The following AGBL4 variants were observed in gnomAD, a reference collection of about 807,000 sequenced individuals.
AGBL4 encodes the protein AGBL carboxypeptidase 4, also known as cytosolic carboxypeptidase 6.
In AGBL4, 58 loss-of-function variants were observed where a neutral mutation model predicts 66.4. The observed-to-expected ratio is 0.87, with a 90% CI of 0.71 to 1.09. The LOEUF is 1.09. Among genes scored for constraint, AGBL4 ranks in the 50% least tolerant of loss-of-function variants. The pLI is 0.00. For missense variants in AGBL4, 579 were observed against 631.0 expected, an observed-to-expected ratio of 0.92 and a Z score of 0.88; for synonymous variants, 234 against 222.9, an observed-to-expected ratio of 1.05 and a Z score of -0.44.
intron 2 of AGBL4, chr1:49,846,133 G>A: frequency 6.8e-7 from 1 of 1,477,896 alleles, no homozygotes. Context: ...AACACCAGAG[G>A]ATTCATACCA....
At chr1:50,015,622 T>C (rs932113046) in intron 1 of AGBL4, among the ~76,000 whole-genome samples, 2 of 152,050 alleles carry the variant, frequency 1.3e-5, no homozygotes, top group African/African-American at 4.8e-5. Flanking sequence ...TTCTACAGTA[T>C]TGCAGCCTGA....
chr1:49,518,572 CT>C (rs1463420617), intron 3 of AGBL4, among the ~76,000 whole-genome samples: 4 of 151,990 alleles, frequency 2.6e-5, no homozygotes, highest in Admixed American at 6.6e-5. Flanking sequence ...TGCTGTGTGA[CT>C]TTTGACAAGT....
intron 2 of AGBL4, among the ~76,000 whole-genome samples, chr1:49,751,693 G>A (rs993681665): frequency 6.6e-6 from 1 of 152,168 alleles, no homozygotes; most frequent in South Asian, 2.1e-4. Context: ...GAATTCGGCT[G>A]TGAATCCGTC....
intron 5 of AGBL4, among the ~76,000 whole-genome samples, chr1:48,880,371 G>A (rs902291166): frequency 6.6e-6 from 1 of 152,112 alleles, no homozygotes; most frequent in African/African-American, 2.4e-5. Flanking sequence ...ATTAATTGAT[G>A]GTCATTTGGG....
intron 4 of AGBL4, among the ~76,000 whole-genome samples, chr1:49,157,245 C>T (rs544697103): frequency 6.2e-4 from 94 of 151,820 alleles, no homozygotes; most frequent in African/African-American, 2.1e-3. Context: ...GTCCCCCACC[C>T]CCCAGAAGGC....
At chr1:48,535,878 C>T (rs1265503352) in intron 12 of AGBL4, among the ~76,000 whole-genome samples, 2 of 152,014 alleles carry the variant, frequency 1.3e-5, no homozygotes, top group Non-Finnish European at 2.9e-5. Flanking sequence ...TTGGGGGCTT[C>T]TTCAGTTCTA....
chr1:49,732,244 AG>A (rs1269836897), intron 2 of AGBL4, among the ~76,000 whole-genome samples: 5 of 152,192 alleles, frequency 3.3e-5, no homozygotes, highest in African/African-American at 4.8e-5. Context: ...GAGAGACCCA[AG>A]TTATTTCAAG....
At position 49,523,284 on chromosome 1, in the gene AGBL4, T is replaced by A. The variant is rs374071151; in HGVS notation, c.282+174029A>T. 6.6e-5 allele frequency among the ~76,000 whole-genome samples: 10 copies of A among 152,156 alleles called. No individual in the cohort carries two copies. The East Asian group carries it at 1.9e-3, about 29-fold the overall frequency. On this transcript the variant is annotated intron_variant, in intron 3 of 13. Transcript: ENST00000371839. ...ATAAATACCAAGCAAAATAGGCACATGATTGAAAATAAGAAGACCTTAACT... is the reference window on the plus strand; with the variant it reads ...ATAAATACCAAGCAAAATAGGCACAAGATTGAAAATAAGAAGACCTTAACT...
intron 5 of AGBL4, among the ~76,000 whole-genome samples, chr1:48,937,055 G>A (rs961262140): frequency 3.7e-4 from 56 of 152,142 alleles, no homozygotes; most frequent in African/African-American, 1.3e-3. Context: ...TGACAGACAG[G>A]TAAATCAAGG....
intron 9 of AGBL4, among the ~76,000 whole-genome samples, chr1:48,611,276 G>A (rs1051016977): frequency 6.6e-6 from 1 of 152,212 alleles, no homozygotes; most frequent in Non-Finnish European, 1.5e-5. Flanking sequence ...CCTGTCAGAT[G>A]GCCTGACTTC....
intron 3 of AGBL4, among the ~76,000 whole-genome samples, chr1:49,586,690 T>TTTA (rs945765615): frequency 3.9e-5 from 6 of 152,092 alleles, no homozygotes; most frequent in Admixed American, 3.9e-4. Flanking sequence ...ACATTAATGT[T>TTTA]TTATTCCAAG....
chr1:49,344,409 G>GA (rs1376809007), intron 3 of AGBL4, among the ~76,000 whole-genome samples: 1 of 152,144 alleles, frequency 6.6e-6, no homozygotes, highest in African/African-American at 2.4e-5. Flanking sequence ...AAGAAGGCAT[G>GA]AAAAATGTGG....
intron 3 of AGBL4, among the ~76,000 whole-genome samples, chr1:49,309,891 C>T (rs58719615): frequency 8.1e-4 from 123 of 152,120 alleles, no homozygotes; most frequent in African/African-American, 2.8e-3. Context: ...GACTTATCAA[C>T]TTAAATGTTA....
At chr1:49,365,015 A>G (rs1644216816) in intron 3 of AGBL4, among the ~76,000 whole-genome samples, 1 of 152,212 alleles carries the variant, frequency 6.6e-6, no homozygotes, top group African/African-American at 2.4e-5. Flanking sequence ...AACGATAAGT[A>G]TAAATAGTCC....
intron 11 of AGBL4, among the ~76,000 whole-genome samples, chr1:48,571,954 C>G (rs1171983917): frequency 6.6e-6 from 1 of 152,172 alleles, no homozygotes; most frequent in Non-Finnish European, 1.5e-5. Flanking sequence ...AAGTGACAGA[C>G]AGTGAACCCC....
chr1:48,669,942 G>A (rs1040298423), intron 6 of AGBL4, among the ~76,000 whole-genome samples: 2 of 152,112 alleles, frequency 1.3e-5, no homozygotes, highest in African/African-American at 4.8e-5. Flanking sequence ...ATCTCCCATG[G>A]CCTAAAATCT....
chr1:49,051,445 A>C (rs1014844941), intron 4 of AGBL4, among the ~76,000 whole-genome samples: 1 of 152,076 alleles, frequency 6.6e-6, no homozygotes, highest in Admixed American at 6.6e-5. Flanking sequence ...TACTTCATCT[A>C]CTCAGGGGCT....
intron 6 of AGBL4, among the ~76,000 whole-genome samples, chr1:48,839,323 G>T (rs1190504557): frequency 6.6e-6 from 1 of 152,008 alleles, no homozygotes; most frequent in African/African-American, 2.4e-5. Context: ...TGGTGTGTGT[G>T]CATATACATA....
intron 11 of AGBL4, among the ~76,000 whole-genome samples, chr1:48,540,261 T>C (rs1644044136): frequency 6.6e-6 from 1 of 152,198 alleles, no homozygotes; most frequent in Non-Finnish European, 1.5e-5. Context: ...CCACTGCACC[T>C]TGAAATTCCT....
Sources: allele counts gnomAD v4.1 joint callset (sites outside exome capture counted in the v4.1 genomes callset), GRCh38; gene constraint gnomAD v4.1.1; transcripts MANE v1.5; gene names NCBI Gene and HGNC (gene_info 2026-07-23, HGNC 2026-07-21).